Variants in ZNF721 observed in about 807,000 individuals in gnomAD.
The protein encoded by ZNF721 is zinc finger protein 721.
ZNF721 carries 2 observed loss-of-function variants against 2.4 expected under a neutral mutation model. The ratio of observed to expected loss-of-function variants is 0.82; its 90% CI spans 0.34 to 2.58. The LOEUF (loss-of-function observed/expected upper bound fraction) is 2.58, where lower values mean the gene tolerates loss of function less well. ZNF721 is among the 30% of genes most tolerant of loss of function. ZNF721 has a pLI of 0.11. For synonymous variants in ZNF721, 398 were observed against 381.8 expected (o/e 1.04, Z -0.50); for missense variants, 1,187 against 1,085.5 (o/e 1.09, Z -1.31).
intron 2 of ZNF721, among the ~76,000 whole-genome samples, chr4:462,566 T>G (rs574911151): frequency 3.3e-5 from 5 of 152,226 alleles, no homozygotes; most frequent in African/African-American, 1.2e-4. Flanking sequence ...TACAGACCAA[T>G]GGAACAGAAC....
intron 1 of ZNF721, among the ~76,000 whole-genome samples, chr4:498,215 GAAAAAAA>G (rs797042296): frequency 3.8e-4 from 32 of 83,928 alleles, no homozygotes; most frequent in African/African-American, 7.8e-4. Flanking sequence ...AAAAGAAAAA[GAAAAAAA>G]AAAAAAAAAA....
chr4:463,985 T>A (rs1352597822), intron 2 of ZNF721, among the ~76,000 whole-genome samples: 3 of 152,084 alleles, frequency 2.0e-5, no homozygotes, highest in African/African-American at 7.2e-5. Context: ...AAAATCTCGA[T>A]AAGATGCAAA....
chr4:444,400 G>A lies in ZNF721; in HGVS notation c.67C>T (p.Pro23Ser), dbSNP rs147101943. 932 of 1,590,298 alleles carry A rather than the reference G, an allele frequency of 5.9e-4. 1 individual carries two copies. The Middle Eastern group carries it at 6.4e-3, about 11-fold the overall frequency. The change falls in exon 3 of 3, where the codon CCA becomes TCA. Residue 23 changes from proline to serine, a missense_variant. Physicochemically the swap from Pro to Ser is moderately conservative, Grantham distance 74 (BLOSUM62 -1). Coordinates refer to ENST00000511833, the MANE Select transcript of ZNF721 (RefSeq NM_133474.4). ...AATGAATCTTCTATCCCCTGCACTG[G>A]CAAAAAGTCTTGGGTGAAATGAGAA... ...MCSHFTQDFL[P>S]VQGIEDSFHK...
chr4:469,032 A>C (rs976163388), intron 2 of ZNF721, among the ~76,000 whole-genome samples: 4 of 152,226 alleles, frequency 2.6e-5, no homozygotes, highest in Non-Finnish European at 5.9e-5. Context: ...AGAATAACAA[A>C]AACTGAACTA....
chr4:475,672 A>G (rs1553868502), intron 1 of ZNF721, among the ~76,000 whole-genome samples: 1 of 151,998 alleles, frequency 6.6e-6, no homozygotes, highest in East Asian at 1.9e-4. Flanking sequence ...TTAGCTATGC[A>G]TGAATTCCTC....
chr4:472,505 G>T, intron 2 of ZNF721, 70 bp downstream of exon 2: 1 of 1,520,018 alleles, frequency 6.6e-7, no homozygotes, highest in South Asian at 1.3e-5. Flanking sequence ...TATCTCAAAA[G>T]ACATTCTACA....
At chr4:497,338 T>C (rs1303841606) in intron 1 of ZNF721, among the ~76,000 whole-genome samples, 3 of 151,916 alleles carry the variant, frequency 2.0e-5, no homozygotes, top group Non-Finnish European at 4.4e-5. Flanking sequence ...GTTTGGGCAA[T>C]AAGGTGCCAA....
chr4:444,925 A>C (rs1345566006), intron 2 of ZNF721, among the ~76,000 whole-genome samples: 2 of 152,074 alleles, frequency 1.3e-5, no homozygotes, highest in African/African-American at 4.8e-5. Flanking sequence ...TAAATATTTC[A>C]AAAGCAGACT....
intron 2 of ZNF721, among the ~76,000 whole-genome samples, chr4:467,376 T>G (rs1476477783): frequency 3.3e-5 from 5 of 152,210 alleles, no homozygotes; most frequent in Non-Finnish European, 4.4e-5. Context: ...CACCATTATT[T>G]AATAAGACAC....
intron 2 of ZNF721, among the ~76,000 whole-genome samples, chr4:448,398 T>C (rs1238756965): frequency 1.3e-5 from 2 of 149,226 alleles, no homozygotes; most frequent in Admixed American, 6.7e-5. Flanking sequence ...ATCCCACCAC[T>C]GCACTCCAGC....
At chr4:494,868 C>T (rs1716109245) in intron 1 of ZNF721, among the ~76,000 whole-genome samples, 1 of 151,024 alleles carries the variant, frequency 6.6e-6, no homozygotes, top group Admixed American at 6.7e-5. Context: ...GAGGTTAGAC[C>T]ATGTGATGCT....
intron 2 of ZNF721, 113 bp from the exon 3 acceptor site, chr4:444,545 C>G (rs2108689178): frequency 9.4e-7 from 1 of 1,065,214 alleles, no homozygotes; most frequent in Non-Finnish European, 1.3e-6. Flanking sequence ...CAAAATACCA[C>G]AAGTCATAAC....
In ZNF721 at chr4:443,787, C is replaced by T. The variant is rs782390093; in HGVS notation, c.680G>A (p.Gly227Glu). The change falls in exon 3 of 3, where the codon GGG becomes GAG. Residue 227 changes from glycine to glutamate, a missense_variant. Coordinates refer to ENST00000511833, the MANE Select transcript of ZNF721 (RefSeq NM_133474.4). The stretch of plus-strand genomic sequence containing the variant: ...GTGTGAGGAATGCATAAAGGCTTTC[C>T]CACATTCTTTACATTTGTAGGGTTT... ...GDKPYKCKECGKAFMHSSHLN... is the reference protein window; with the variant it reads ...GDKPYKCKECEKAFMHSSHLN... 6.2e-7 allele frequency: 1 copy of T among 1,613,838 alleles called. No homozygotes were observed. Among genetic ancestry groups the T allele is most frequent in the East Asian group, 2.2e-5 (1 of 44,862 alleles).
At position 441,898 on chromosome 4, in the gene ZNF721, T is replaced by C; in HGVS notation, c.2569A>G (p.Arg857Gly). 6.2e-7 allele frequency: 1 copy of C among 1,613,978 alleles called. No homozygotes were observed. The highest frequency in any genetic ancestry group is 8.5e-7 in the Non-Finnish European group (1 of 1,179,922). The change falls in exon 3 of 3, where the codon AGA (arginine) becomes GGA (glycine). Residue 857 changes from arginine (R) to glycine (G), a missense_variant. Physicochemically the swap from Arg to Gly is moderately radical, Grantham distance 125. Coordinates refer to ENST00000511833, the MANE Select transcript of ZNF721 (RefSeq NM_133474.4). ...TAGGGTTTCTCTCCAGTATGAATTC[T>C]CCTATGTACATAAAGGATTGCTGAC... ...RQSAILYVHR[R>G]IHTGEKPYTC...
chr4:444,574 A>G, intron 2 of ZNF721, 142 bp from the exon 3 acceptor site: 1 of 880,628 alleles, frequency 1.1e-6, no homozygotes, highest in Non-Finnish European at 1.7e-6. Context: ...ATATACATGT[A>G]ACAAACATAT....
chr4:493,354 C>G (rs112125932), intron 1 of ZNF721, among the ~76,000 whole-genome samples: 1,821 of 152,290 alleles, frequency 0.012, 16 homozygotes, highest in Middle Eastern at 0.051. Flanking sequence ...TCCCTGTGTA[C>G]TACACTGCCT....
chr4:445,423 A>G (rs1249230682), intron 2 of ZNF721, among the ~76,000 whole-genome samples: 1 of 152,222 alleles, frequency 6.6e-6, no homozygotes, highest in African/African-American at 2.4e-5. Flanking sequence ...TTCAGACTAC[A>G]TCATGACAAA....
chr4:494,044 T>G (rs1249219654), intron 1 of ZNF721, among the ~76,000 whole-genome samples: 1 of 152,238 alleles, frequency 6.6e-6, no homozygotes, highest in Non-Finnish European at 1.5e-5. Context: ...CTTTTCTTTT[T>G]TCCTGATAAA....
chr4:490,619 C>T (rs147771574), intron 1 of ZNF721, among the ~76,000 whole-genome samples: 6,374 of 152,248 alleles, frequency 0.042, 182 homozygotes, highest in African/African-American at 0.083. Context: ...CTTTCCTCTT[C>T]AAATCTCAGG....
Sources: allele counts gnomAD v4.1 joint callset (sites outside exome capture counted in the v4.1 genomes callset), GRCh38; gene constraint gnomAD v4.1.1; transcripts MANE v1.5; gene names NCBI Gene and HGNC (gene_info 2026-07-23, HGNC 2026-07-21).